TRPC3: variants seen among roughly 807,000 people sequenced by gnomAD.
The protein encoded by TRPC3 is short transient receptor potential channel 3.
In TRPC3, 54 loss-of-function variants were observed where a neutral mutation model predicts 90.9. The ratio of observed to expected loss-of-function variants is 0.59; its 90% confidence interval spans 0.48 to 0.75. TRPC3 has a LOEUF of 0.75. Among genes scored for constraint, TRPC3 ranks in the 30% least tolerant of loss-of-function variants. The pLI is 0.00. For missense variants in TRPC3, 918 were observed against 1,194.5 expected, an observed-to-expected ratio of 0.77 and a Z score of 3.41; for synonymous variants, 424 against 450.9, an observed-to-expected ratio of 0.94 and a Z score of 0.75.
intron 7 of TRPC3, among the ~76,000 whole-genome samples, chr4:121,904,890 A>C (rs1728827346): frequency 6.6e-6 from 1 of 152,196 alleles, no homozygotes; most frequent in Non-Finnish European, 1.5e-5. Context: ...GTAGTAGAAC[A>C]GGGTTGGGAT....
intron 1 of TRPC3, among the ~76,000 whole-genome samples, chr4:121,948,840 G>GTTTTTTTTTTTTTTTTT (rs10626464): frequency 6.8e-6 from 1 of 147,960 alleles, no homozygotes; most frequent in Admixed American, 6.7e-5. Flanking sequence ...ACTCTTTGCG[G>GTTTTTTTTTTTTTTTTT]TTTTTTTTTT....
At chr4:121,925,753 T>C (rs1729684451) in intron 2 of TRPC3, among the ~76,000 whole-genome samples, 1 of 152,200 alleles carries the variant, frequency 6.6e-6, no homozygotes. Flanking sequence ...ATTTAATCAT[T>C]TCACATTGTA....
At chr4:121,880,182 T>C (rs763907568) in intron 11 of TRPC3, among the ~76,000 whole-genome samples, 14 of 152,212 alleles carry the variant, frequency 9.2e-5, no homozygotes, top group Non-Finnish European at 2.1e-4. Flanking sequence ...ATAGCCAAGA[T>C]ATCTCCTTTC....
intron 6 of TRPC3, among the ~76,000 whole-genome samples, chr4:121,909,198 C>T (rs1728996418): frequency 6.6e-6 from 1 of 152,040 alleles, no homozygotes; most frequent in Non-Finnish European, 1.5e-5. Flanking sequence ...ATATAAAAGT[C>T]TTTGCTTGCT....
At chr4:121,938,847 T>C (rs1266267985) in intron 1 of TRPC3, among the ~76,000 whole-genome samples, 2 of 145,700 alleles carry the variant, frequency 1.4e-5, no homozygotes, top group Non-Finnish European at 3.0e-5. Context: ...CACTTCTCTT[T>C]AAAAAAAAAA....
At chr4:121,893,645 G>C (rs1728409590) in intron 10 of TRPC3, among the ~76,000 whole-genome samples, 1 of 151,880 alleles carries the variant, frequency 6.6e-6, no homozygotes, top group Admixed American at 6.6e-5. Context: ...TTGTAACGTT[G>C]ACTATACAAA....
chr4:121,912,355 A>G (rs1216344261), intron 4 of TRPC3, among the ~76,000 whole-genome samples: 1 of 152,198 alleles, frequency 6.6e-6, no homozygotes, highest in African/African-American at 2.4e-5. Context: ...GCACTTCTGG[A>G]AATCACAGGG....
chr4:121,915,071 T>C (rs1250444055), intron 3 of TRPC3, 127 bp from the exon 4 acceptor site: 1 of 770,690 alleles, frequency 1.3e-6, no homozygotes, highest in African/African-American at 1.7e-5. Context: ...AGCATATTGG[T>C]ACTGGAAGGT....
chr4:121,930,139 C>G (rs1729851046), intron 2 of TRPC3, among the ~76,000 whole-genome samples: 2 of 151,996 alleles, frequency 1.3e-5, no homozygotes. Context: ...ATAACAAGGA[C>G]AGGTAAAAAT....
chr4:121,944,865 TG>T (rs1560720727), intron 1 of TRPC3, among the ~76,000 whole-genome samples: 1 of 152,174 alleles, frequency 6.6e-6, no homozygotes, highest in African/African-American at 2.4e-5. Context: ...AAAATTTCTT[TG>T]AGGAAGAGAG....
At chr4:121,894,561 T>G (rs960636054) in intron 10 of TRPC3, among the ~76,000 whole-genome samples, 97 of 130,738 alleles carry the variant, frequency 7.4e-4, no homozygotes, top group African/African-American at 2.7e-3. Context: ...TTCTGTTTTT[T>G]TTTTTTTTTT....
intron 8 of TRPC3, among the ~76,000 whole-genome samples, chr4:121,903,882 C>T (rs1693344801): frequency 6.6e-6 from 1 of 152,050 alleles, no homozygotes; most frequent in South Asian, 2.1e-4. Flanking sequence ...AGAGAGGTAC[C>T]AAACCCAGCC....
At chr4:121,937,615 G>A (rs1730174388) in intron 1 of TRPC3, among the ~76,000 whole-genome samples, 1 of 152,178 alleles carries the variant, frequency 6.6e-6, no homozygotes, top group African/African-American at 2.4e-5. Context: ...AACAATTAAA[G>A]AGTTAAAGAG....
At chr4:121,921,964 G>GTCTC (rs1332265298) in intron 3 of TRPC3, among the ~76,000 whole-genome samples, 1 of 149,878 alleles carries the variant, frequency 6.7e-6, no homozygotes, top group Non-Finnish European at 1.5e-5. Flanking sequence ...TGTCGCCCAG[G>GTCTC]CTGCAGTGCA....
At chr4:121,906,422 G>A (rs1728883799) in intron 7 of TRPC3, among the ~76,000 whole-genome samples, 1 of 152,072 alleles carries the variant, frequency 6.6e-6, no homozygotes, top group African/African-American at 2.4e-5. Flanking sequence ...TTTCCCTGCT[G>A]GGTTCAAACA....
chr4:121,919,677 G>A (rs2149131843), intron 3 of TRPC3, among the ~76,000 whole-genome samples: 1 of 152,290 alleles, frequency 6.6e-6, no homozygotes, highest in South Asian at 2.1e-4. Flanking sequence ...ACAGAAAGTG[G>A]ATACACAATG....
At chr4:121,911,767 G>T in intron 5 of TRPC3, 110 bp downstream of exon 5, 1 of 1,091,126 alleles carries the variant, frequency 9.2e-7, no homozygotes, top group South Asian at 1.8e-5. Context: ...TTGCAACAGT[G>T]ATGTTGTCAC....
intron 1 of TRPC3, among the ~76,000 whole-genome samples, chr4:121,947,283 G>T (rs1264169642): frequency 6.6e-6 from 1 of 151,354 alleles, no homozygotes; most frequent in East Asian, 1.9e-4. Context: ...AAAGAAAGCC[G>T]CCTCTTTCTT....
chr4:121,877,746 G>C lies in TRPC3; in HGVS notation c.*1990C>G, dbSNP rs1407300408. Among the ~76,000 whole-genome samples, 5 of 139,054 alleles carry C rather than the reference G, an allele frequency of 3.6e-5. No homozygotes were observed. In the Admixed American group the frequency reaches 3.8e-4, roughly 11 times the overall value. The allele number at this position is 139,054 out of a possible 152,430, so 91.2% of individuals were successfully genotyped here. A position where few individuals can be genotyped will look rare whatever the true frequency, so the allele number is the denominator to read the frequency against. ...CATAGTAAATAAAGAAAAAATGCCT[G>C]TTAAGAGCTCTACAGTTGTGAGGGG... On this transcript the variant is annotated 3_prime_UTR_variant, in exon 12 of 12. Coordinates refer to ENST00000379645, the MANE Select transcript of TRPC3 (RefSeq NM_001130698.2).
Sources: allele counts gnomAD v4.1 joint callset (sites outside exome capture counted in the v4.1 genomes callset), GRCh38; gene constraint gnomAD v4.1.1; transcripts MANE v1.5; gene names NCBI Gene and HGNC (gene_info 2026-07-23, HGNC 2026-07-21).